GABRG3: variants seen among roughly 807,000 people sequenced by gnomAD.
GABRG3 encodes the protein gamma-aminobutyric acid receptor subunit gamma-3.
In GABRG3, 25 loss-of-function variants were observed where a neutral mutation model predicts 48.8. The ratio of observed to expected loss-of-function variants is 0.51; its 90% CI spans 0.37 to 0.72. The LOEUF (loss-of-function observed/expected upper bound fraction) is 0.72. Ranked by LOEUF, GABRG3 falls within the 30% of genes least tolerant of loss-of-function variation. GABRG3 has a pLI of 0.00. For missense variants in GABRG3, 394 were observed against 577.9 expected, an observed-to-expected ratio of 0.68 and a Z score of 3.26; for synonymous variants, 227 against 217.6, an observed-to-expected ratio of 1.04 and a Z score of -0.38.
intron 3 of GABRG3, among the ~76,000 whole-genome samples, chr15:27,039,166 G>A (rs1156266414): frequency 6.6e-6 from 1 of 152,204 alleles, no homozygotes; most frequent in Non-Finnish European, 1.5e-5. Flanking sequence ...CAGCCTAAAG[G>A]GTTTCCTGCT....
At chr15:27,489,019 T>TC (rs1890283684) in intron 6 of GABRG3, among the ~76,000 whole-genome samples, 1 of 152,044 alleles carries the variant, frequency 6.6e-6, no homozygotes, top group Non-Finnish European at 1.5e-5. Context: ...CCTAATGCTA[T>TC]CCTCCCCCAT....
At position 27,352,870 on chromosome 15, in the gene GABRG3, A is replaced by T. The variant is rs1894673621; in HGVS notation, c.574+23982A>T. On this transcript the variant is annotated intron_variant, in intron 5 of 9. Transcript: ENST00000615808. This position sits in a 1 kb window ranked among gnomAD's most constrained non-coding sequence, Gnocchi z 4.0. ...GGGGCGTAAAATAAGACTCCAGCAC[A>T]TGCTCACTTGGTAAGTCATTGCATC... Among the ~76,000 whole-genome samples, 1 of 152,144 alleles carries T rather than the reference A, an allele frequency of 6.6e-6. No individual in the cohort carries two copies. The highest frequency in any genetic ancestry group is 2.4e-5 in the African/African-American group (1 of 41,418).
chr15:27,468,638 A>G (rs1266897424), intron 5 of GABRG3, among the ~76,000 whole-genome samples: 1 of 152,136 alleles, frequency 6.6e-6, no homozygotes, highest in South Asian at 2.1e-4. Context: ...ACCACACTGT[A>G]TTACTCCTCA....
intron 3 of GABRG3, among the ~76,000 whole-genome samples, chr15:27,085,060 G>A (rs967937803): frequency 1.3e-5 from 2 of 152,200 alleles, no homozygotes; most frequent in Admixed American, 6.5e-5. Context: ...AGGCTTATTC[G>A]ATACTCAGCA....
chr15:27,335,543 C>T (rs1471777409), intron 5 of GABRG3, among the ~76,000 whole-genome samples: 2 of 152,092 alleles, frequency 1.3e-5, no homozygotes, highest in Non-Finnish European at 2.9e-5. Context: ...CATGCTATGC[C>T]TTTGGAAACA....
intron 8 of GABRG3, 147 bp downstream of exon 8, chr15:27,527,776 G>T (rs1213832073): frequency 6.9e-6 from 7 of 1,021,172 alleles, no homozygotes; most frequent in Non-Finnish European, 1.0e-5. Context: ...ACCAGACAGG[G>T]ATTCTGAAGA....
At chr15:27,303,555 T>C (rs1383037477) in intron 3 of GABRG3, among the ~76,000 whole-genome samples, 1 of 151,716 alleles carries the variant, frequency 6.6e-6, no homozygotes, top group African/African-American at 2.4e-5. Context: ...TTAAAGAAAT[T>C]AGACTAATTC....
intron 3 of GABRG3, among the ~76,000 whole-genome samples, chr15:27,325,369 A>G (rs535438600): frequency 1.4e-4 from 22 of 152,284 alleles, no homozygotes; most frequent in Admixed American, 2.6e-4. Context: ...CTGAGATGCT[A>G]CATGTGACCT....
Position 27,142,754 on chromosome 15 carries a change from T to G in GABRG3, c.270+115933T>G, listed in dbSNP as rs550308046. Among the ~76,000 whole-genome samples the G allele has an allele frequency of 2.0e-5, 3 of 151,604 alleles. No homozygotes were observed. In the East Asian group the frequency reaches 5.8e-4, roughly 29 times the overall value. ...ATCCCTTCATGTTGACAGGGGTTAC[T>G]GAGGATTTGTTTGTTTGTTTGCTTG... On this transcript the variant is annotated intron_variant, in intron 3 of 9. Transcript: ENST00000615808.
chr15:27,199,589 T>G (rs1158076109), intron 3 of GABRG3, among the ~76,000 whole-genome samples: 8 of 152,112 alleles, frequency 5.3e-5, no homozygotes, highest in Non-Finnish European at 1.0e-4. Context: ...TCTATGAGTT[T>G]ACGAGAGAGC....
intron 5 of GABRG3, among the ~76,000 whole-genome samples, chr15:27,377,989 G>A (rs1895651226): frequency 1.3e-5 from 2 of 152,146 alleles, no homozygotes; most frequent in Non-Finnish European, 1.5e-5. Flanking sequence ...TTAAGAGCTG[G>A]GAAAGGGAAC....
chr15:27,511,654 C>T (rs1313366805), intron 6 of GABRG3, among the ~76,000 whole-genome samples: 2 of 152,116 alleles, frequency 1.3e-5, no homozygotes, highest in African/African-American at 2.4e-5. Context: ...AGAAAACGGA[C>T]GAAGTGTCAT....
At chr15:27,092,103 T>C (rs1176862429) in intron 3 of GABRG3, among the ~76,000 whole-genome samples, 1 of 152,132 alleles carries the variant, frequency 6.6e-6, no homozygotes, top group Admixed American at 6.5e-5. Context: ...ACTGTGGAGT[T>C]TAAAGAGTCT....
intron 5 of GABRG3, among the ~76,000 whole-genome samples, chr15:27,408,040 A>G (rs1362683481): frequency 1.3e-5 from 2 of 152,158 alleles, no homozygotes; most frequent in Non-Finnish European, 1.5e-5. Context: ...ATGCATGTGT[A>G]GGGTAGGGCC....
At chr15:27,528,557 C>T (rs1891340204) in intron 9 of GABRG3, among the ~76,000 whole-genome samples, 2 of 152,102 alleles carry the variant, frequency 1.3e-5, no homozygotes, top group South Asian at 2.1e-4. Flanking sequence ...TGGGCAGAGG[C>T]GTTGCATGGT....
chr15:27,527,941 T>A lies in GABRG3; in HGVS notation c.1071T>A (p.His357Gln), dbSNP rs1327753031. 6.3e-7 allele frequency: 1 copy of A among 1,586,826 alleles called. No homozygotes were observed. Among genetic ancestry groups the A allele is most frequent in the Non-Finnish European group, 8.6e-7 (1 of 1,164,470 alleles). ...TTTKKTTSLL[H>Q]PDSSRWIPER... ...TTCTTCTTTTCTTGTAGTTACTACATCCAGATTCCTCAAGATGGATTCCTG... is the reference window on the plus strand; with the variant it reads ...TTCTTCTTTTCTTGTAGTTACTACAACCAGATTCCTCAAGATGGATTCCTG... Residue 357 changes from histidine (H) to glutamine (Q), a missense_variant, in exon 9 of 10, where the codon CAT becomes CAA. Physicochemically the swap from His to Gln is conservative, Grantham distance 24. This residue lies in a region of GABRG3 where 126 missense variants were observed against 155.5 expected (regional missense o/e 0.81). Transcript: ENST00000615808.
In GABRG3 at chr15:26,976,225, C is replaced by T. The variant is rs1894940663; in HGVS notation, c.54-777C>T. On this transcript the variant is annotated intron_variant, in intron 1 of 9. Coordinates refer to ENST00000615808, the MANE Select transcript of GABRG3 (RefSeq NM_033223.5). The surrounding 1 kb of genome is among the most constrained non-coding windows in gnomAD (Gnocchi z 7.8). Reference sequence around the variant, plus strand: ...GGAGAGGAGGCTGTCCAGCTCCTCCCTGCACAAAACAAGCTCAGAGATGCC... The same window carrying T: ...GGAGAGGAGGCTGTCCAGCTCCTCCTTGCACAAAACAAGCTCAGAGATGCC... 6.6e-6 allele frequency among the ~76,000 whole-genome samples: 1 copy of T among 152,194 alleles called. No individual in the cohort carries two copies. Among genetic ancestry groups the T allele is most frequent in the Non-Finnish European group, 1.5e-5 (1 of 68,042 alleles).
rs549641545 is a variant in GABRG3, at chr15:27,307,763, A to ATCATAGGTTTATAT, written c.271-19046_271-19045insTCATAGGTTTATAT. The stretch of plus-strand genomic sequence containing the variant: ...CATAGGTTTATATATAAACATATAA[A>ATCATAGGTTTATAT]ATAAACATATGTTTATATATAAACA... On this transcript the variant is annotated intron_variant, in intron 3 of 9. Coordinates refer to ENST00000615808, the MANE Select transcript of GABRG3 (RefSeq NM_033223.5). Among the ~76,000 whole-genome samples, 329 of 128,472 alleles carry ATCATAGGTTTATAT rather than the reference A, an allele frequency of 2.6e-3. 7 individuals carry two copies. In the East Asian group the frequency reaches 0.031, roughly 12 times the overall value. The allele number at this position is 128,472 out of a possible 152,430, so 84.3% of individuals were successfully genotyped here.
chr15:27,536,137 G>A lies in GABRG3; in HGVS notation c.*3256G>A, dbSNP rs1278438353. The A allele has an allele frequency of 6.6e-6, 1 of 152,196 alleles. No homozygotes were observed. The highest frequency in any genetic ancestry group is 1.5e-5 in the Non-Finnish European group (1 of 68,046). The allele number at this position is 152,196 out of a possible 1,614,324, so 9.4% of individuals were successfully genotyped here. ...CACTGTGGATCACACTTAAAACTGT[G>A]ACTGTCTGTCTTTTAAGCTGCATAC... On this transcript the variant is annotated 3_prime_UTR_variant, in exon 10 of 10. Transcript: ENST00000615808.
Sources: allele counts gnomAD v4.1 joint callset (sites outside exome capture counted in the v4.1 genomes callset), GRCh38; gene constraint gnomAD v4.1.1; regional missense constraint gnomAD v4.1.1; non-coding constraint Gnocchi (gnomAD v3.1); transcripts MANE v1.5; gene names NCBI Gene and HGNC (gene_info 2026-07-23, HGNC 2026-07-21).